Variants in TGM6 observed in about 807,000 individuals in gnomAD.
TGM6 encodes the protein transglutaminase 6, also known as protein-glutamine gamma-glutamyltransferase 6.
In TGM6, 74 loss-of-function variants were observed where a neutral mutation model predicts 77.5. That is an observed-to-expected ratio of 0.96 (90% CI 0.79 to 1.16). The LOEUF (loss-of-function observed/expected upper bound fraction) is 1.16. Among genes scored for constraint, TGM6 ranks in the 50% most tolerant of loss-of-function variants. The pLI is 0.00. For synonymous variants in TGM6, 383 were observed against 378.9 expected (o/e 1.01, Z -0.12); for missense variants, 968 against 940.2 (o/e 1.03, Z -0.39).
At chr20:2,391,976 C>T (rs370641909) in intron 1 of TGM6, among the ~76,000 whole-genome samples, 14 of 152,316 alleles carry the variant, frequency 9.2e-5, no homozygotes, top group South Asian at 8.3e-4. Flanking sequence ...CTGCACACAT[C>T]CTGGTGTTTT....
At chr20:2,425,860 C>T (rs997498318) in intron 10 of TGM6, among the ~76,000 whole-genome samples, 3 of 152,010 alleles carry the variant, frequency 2.0e-5, no homozygotes, top group Non-Finnish European at 4.4e-5. Flanking sequence ...TCTTCGTGTT[C>T]GAAACTATAC....
Position 2,417,475 on chromosome 20 carries a change from T to A in TGM6, c.1580T>A (p.Val527Glu), listed in dbSNP as rs61729226. 1.0e-3 allele frequency: 1,606 copies of A among 1,610,304 alleles called. 7 individuals are homozygous for A. The African/African-American group carries it at 0.011, about 11-fold the overall frequency. The change falls in exon 10 of 13, where the codon GTG (valine) becomes GAG (glutamate). Residue 527 changes from valine to glutamate, a missense_variant. Transcript: ENST00000202625. ...AACCTCACCTCCCGGGCCCAGCGGG[T>A]GAGGGTCAACCTGAGCGGTGCCACC... ...LANLTSRAQR[V>E]RVNLSGATIL...
At position 2,430,945 on chromosome 20, in the gene TGM6, G is replaced by T. The variant is rs1416476161; in HGVS notation, c.1885G>T (p.Val629Phe). 5.0e-6 allele frequency: 8 copies of T among 1,614,194 alleles called. No homozygotes were observed. Among genetic ancestry groups the T allele is most frequent in the Non-Finnish European group, 5.9e-6 (7 of 1,180,042 alleles). The change falls in exon 12 of 13, where the codon GTC (valine) becomes TTC (phenylalanine). Residue 629 changes from valine to phenylalanine, a missense_variant. Coordinates refer to ENST00000202625, the MANE Select transcript of TGM6 (RefSeq NM_198994.3). ...GVAVTVEVTV[V>F]NPLIERVKDC... Reference sequence around the variant, plus strand: ...GGCAGTTACAGTGGAAGTGACAGTAGTCAACCCCCTCATAGAGAGAGTGAA... The same window carrying T: ...GGCAGTTACAGTGGAAGTGACAGTATTCAACCCCCTCATAGAGAGAGTGAA...
At chr20:2,399,076 G>GGACTAACTT (rs2084687611) in intron 5 of TGM6, among the ~76,000 whole-genome samples, 1 of 151,244 alleles carries the variant, frequency 6.6e-6, no homozygotes, top group Admixed American at 6.6e-5. Flanking sequence ...ATCACCACTT[G>GGACTAACTT]GACTAACTTG....
intron 4 of TGM6, among the ~76,000 whole-genome samples, chr20:2,397,104 A>C (rs115875381): frequency 6.6e-6 from 1 of 152,158 alleles, no homozygotes; most frequent in Non-Finnish European, 1.5e-5. Flanking sequence ...GGGAAGGAAA[A>C]AGTCAGAATG....
intron 12 of TGM6, among the ~76,000 whole-genome samples, chr20:2,432,267 C>T (rs1265870678): frequency 6.6e-6 from 1 of 152,062 alleles, no homozygotes; most frequent in South Asian, 2.1e-4. Context: ...AGGCTGGTCT[C>T]GAACTCCTGA....
intron 10 of TGM6, among the ~76,000 whole-genome samples, chr20:2,428,077 C>A (rs886596596): frequency 3.9e-5 from 6 of 152,118 alleles, no homozygotes; most frequent in Non-Finnish European, 5.9e-5. Flanking sequence ...AGTTTGATTT[C>A]ATTGTGTTCT....
At chr20:2,391,222 T>G (rs75431431) in intron 1 of TGM6, among the ~76,000 whole-genome samples, 270 of 151,996 alleles carry the variant, frequency 1.8e-3, no homozygotes, top group African/African-American at 5.9e-3. Context: ...AGTACCTCCC[T>G]TAGGTGTATG....
intron 1 of TGM6, among the ~76,000 whole-genome samples, chr20:2,382,420 G>A (rs1453166273): frequency 6.6e-6 from 1 of 152,140 alleles, no homozygotes; most frequent in African/African-American, 2.4e-5. Flanking sequence ...CCTCTTCCCT[G>A]GGCCTTTGAT....
intron 10 of TGM6, among the ~76,000 whole-genome samples, chr20:2,428,056 C>T (rs1392203238): frequency 1.3e-5 from 2 of 152,056 alleles, no homozygotes; most frequent in African/African-American, 4.8e-5. Flanking sequence ...GTCTTTCTGT[C>T]ATTGATTTCC....
intron 4 of TGM6, 49 bp downstream of exon 4, chr20:2,396,673 G>C: frequency 6.3e-7 from 1 of 1,575,420 alleles, no homozygotes; most frequent in Non-Finnish European, 8.7e-7. Context: ...GGCATGGGGA[G>C]GTCGGTGGGA....
intron 1 of TGM6, among the ~76,000 whole-genome samples, chr20:2,381,223 C>T (rs2084552492): frequency 6.6e-6 from 1 of 152,198 alleles, no homozygotes; most frequent in Non-Finnish European, 1.5e-5. Flanking sequence ...GGCCAGGTCT[C>T]ACCCCTGTGC....
intron 1 of TGM6, among the ~76,000 whole-genome samples, chr20:2,385,654 G>A (rs2084589647): frequency 2.0e-5 from 3 of 152,062 alleles, no homozygotes; most frequent in Admixed American, 2.0e-4. Flanking sequence ...GACAGCTTGA[G>A]AGAGGGATTA....
chr20:2,385,996 G>A (rs1028787693), intron 1 of TGM6, among the ~76,000 whole-genome samples: 3 of 152,130 alleles, frequency 2.0e-5, no homozygotes, highest in African/African-American at 4.8e-5. Context: ...AGAAGCCTCC[G>A]TCTTAAAAGA....
intron 1 of TGM6, among the ~76,000 whole-genome samples, chr20:2,389,068 C>T (rs1485443850): frequency 6.6e-6 from 1 of 152,198 alleles, no homozygotes; most frequent in African/African-American, 2.4e-5. Flanking sequence ...GCCTTTGTAA[C>T]TGCCTTGACC....
At chr20:2,427,856 G>T (rs558548771) in intron 10 of TGM6, among the ~76,000 whole-genome samples, 1 of 152,182 alleles carries the variant, frequency 6.6e-6, no homozygotes, top group African/African-American at 2.4e-5. Flanking sequence ...CCCAGGCTCA[G>T]GTGATTCTCC....
intron 1 of TGM6, among the ~76,000 whole-genome samples, chr20:2,390,048 T>G (rs1027656871): frequency 6.6e-6 from 1 of 152,194 alleles, no homozygotes; most frequent in Non-Finnish European, 1.5e-5. Flanking sequence ...CCTGCTTCTT[T>G]GAACTCTCCC....
At chr20:2,420,403 G>A (rs1257881464) in intron 10 of TGM6, among the ~76,000 whole-genome samples, 3 of 152,060 alleles carry the variant, frequency 2.0e-5, no homozygotes, top group African/African-American at 4.8e-5. Context: ...CCACCACCAC[G>A]CCTCTCCTCC....
chr20:2,407,061 G>A (rs1053574886), intron 9 of TGM6, among the ~76,000 whole-genome samples: 3 of 152,118 alleles, frequency 2.0e-5, no homozygotes, highest in Non-Finnish European at 4.4e-5. Flanking sequence ...GGAGAAGACA[G>A]ATGTACAGAG....
Sources: gnomAD v4.1 joint callset for allele counts (sites outside exome capture counted in the v4.1 genomes callset) on GRCh38, gnomAD v4.1.1 for gene constraint, MANE v1.5 for transcripts, NCBI Gene and HGNC (gene_info 2026-07-23, HGNC 2026-07-21) for gene names.